Variants in RBFOX1 observed in about 807,000 individuals in gnomAD.
RBFOX1 encodes the protein RNA binding fox-1 homolog 1.
A neutral mutation model predicts 57.7 loss-of-function variants in RBFOX1; 8 were observed. The observed-to-expected ratio is 0.14, with a 90% CI of 0.08 to 0.25. The LOEUF is 0.25. Ranked by LOEUF, RBFOX1 falls within the 10% of genes least tolerant of loss-of-function variation. The pLI, the probability that RBFOX1 is intolerant of heterozygous loss-of-function variation, is 1.00. For missense variants in RBFOX1, 611 were observed against 548.5 expected (o/e 1.11, Z -1.14); for synonymous variants, 326 against 222.4 (o/e 1.47, Z -4.15).
intron 2 of RBFOX1, among the ~76,000 whole-genome samples, chr16:5,506,308 A>C (rs936174047): frequency 1.3e-5 from 2 of 152,192 alleles, no homozygotes; most frequent in Non-Finnish European, 2.9e-5. Context: ...GCCTGCAGGC[A>C]CAGAGACGTA....
At chr16:6,654,164 G>A (rs548697178) in intron 2 of RBFOX1, among the ~76,000 whole-genome samples, 1 of 147,630 alleles carries the variant, frequency 6.8e-6, no homozygotes, top group South Asian at 2.1e-4. Context: ...ATGAATGGAT[G>A]GATGGTTGGA....
intron 3 of RBFOX1, among the ~76,000 whole-genome samples, chr16:6,964,119 G>A (rs1339385878): frequency 6.6e-6 from 1 of 152,090 alleles, no homozygotes; most frequent in Non-Finnish European, 1.5e-5. Context: ...CCCGAATCAA[G>A]CGATTCTCCT....
chr16:7,097,208 G>C (rs1044534616), intron 4 of RBFOX1, among the ~76,000 whole-genome samples: 20 of 152,128 alleles, frequency 1.3e-4, no homozygotes, highest in South Asian at 8.3e-4. Flanking sequence ...CTGAGAGTTA[G>C]GAAACTGCTA....
intron 2 of RBFOX1, among the ~76,000 whole-genome samples, chr16:6,464,913 G>A (rs765664882): frequency 3.6e-4 from 55 of 152,222 alleles, no homozygotes; most frequent in Non-Finnish European, 6.9e-4. Flanking sequence ...GATCCCGGGG[G>A]CAATTCTGGA....
rs576257834 is a variant in RBFOX1 at position 6,351,241 on chromosome 16, T to C, written c.-64+34184T>C. 4.6e-5 allele frequency among the ~76,000 whole-genome samples: 7 copies of C among 150,878 alleles called. No individual in the cohort carries two copies. The East Asian group carries it at 5.8e-4, about 13-fold the overall frequency. ...ATATACAACTGTGTAATTATATATA[T>C]GCATATGCGTTTGAATTGTATTCTA... On this transcript the variant is annotated intron_variant, in intron 2 of 15. Transcript: ENST00000550418.
chr16:7,558,347 C>G (rs1244032083), intron 5 of RBFOX1, among the ~76,000 whole-genome samples: 1 of 151,982 alleles, frequency 6.6e-6, no homozygotes, highest in African/African-American at 2.4e-5. Context: ...AAGTGAGGCT[C>G]TGTCTCAAAA....
intron 3 of RBFOX1, among the ~76,000 whole-genome samples, chr16:6,973,529 T>C (rs1004613013): frequency 8.5e-5 from 13 of 152,238 alleles, no homozygotes; most frequent in African/African-American, 3.1e-4. Context: ...AGCTCAACGT[T>C]GATTTTTCAG....
At chr16:6,655,457 G>A (rs76385491) in intron 3 of RBFOX1, among the ~76,000 whole-genome samples, 2,251 of 145,044 alleles carry the variant, frequency 0.016, 66 homozygotes, top group African/African-American at 0.053. Context: ...ATGAGCAACA[G>A]CGTCCTATCT....
chr16:6,193,717 C>A (rs1245001074), intron 1 of RBFOX1, among the ~76,000 whole-genome samples: 1 of 151,972 alleles, frequency 6.6e-6, no homozygotes, highest in African/African-American at 2.4e-5. Context: ...TACCTTGATT[C>A]TCACATTGAA....
intron 2 of RBFOX1, among the ~76,000 whole-genome samples, chr16:6,384,285 G>C (rs1038062988): frequency 6.6e-6 from 1 of 152,062 alleles, no homozygotes; most frequent in African/African-American, 2.4e-5. Flanking sequence ...TTTGAAATGT[G>C]ATTTGAATCC....
At chr16:7,539,954 C>T (rs1163133775) in intron 5 of RBFOX1, among the ~76,000 whole-genome samples, 1 of 152,192 alleles carries the variant, frequency 6.6e-6, no homozygotes, top group East Asian at 1.9e-4. Flanking sequence ...CCCAACGTTG[C>T]CCTTTATTCA....
chr16:6,936,509 A>G (rs192048224), intron 3 of RBFOX1, among the ~76,000 whole-genome samples: 39 of 152,270 alleles, frequency 2.6e-4, no homozygotes, highest in Middle Eastern at 6.8e-3. Context: ...CCGACTATGT[A>G]TCCAGAAACG....
chr16:7,242,440 T>C (rs1002861215), intron 4 of RBFOX1, among the ~76,000 whole-genome samples: 2 of 152,166 alleles, frequency 1.3e-5, no homozygotes, highest in African/African-American at 4.8e-5. Flanking sequence ...ATGTTTGAAA[T>C]GGGCAACATC....
chr16:7,396,926 G>A (rs1308736486), intron 4 of RBFOX1, among the ~76,000 whole-genome samples: 1 of 152,088 alleles, frequency 6.6e-6, no homozygotes, highest in South Asian at 2.1e-4. Flanking sequence ...GGGCTATAGG[G>A]TGAGACTGTC....
intron 3 of RBFOX1, among the ~76,000 whole-genome samples, chr16:6,865,456 C>T (rs949690040): frequency 6.6e-6 from 1 of 152,138 alleles, no homozygotes; most frequent in African/African-American, 2.4e-5. Context: ...TATTTCCTTT[C>T]TAGCCCCACA....
chr16:6,824,963 T>G (rs2091908405), intron 3 of RBFOX1, among the ~76,000 whole-genome samples: 1 of 149,514 alleles, frequency 6.7e-6, no homozygotes, highest in African/African-American at 2.5e-5. Flanking sequence ...ACTGAGGATT[T>G]CTTTTTTCTT....
At position 5,524,684 on chromosome 16, in the gene RBFOX1, A is replaced by C. The variant is rs559441750; in HGVS notation, c.258+57430A>C. Among the ~76,000 whole-genome samples, 33 of 151,744 alleles carry C rather than the reference A, an allele frequency of 2.2e-4. No individual in the cohort carries two copies. In the East Asian group the frequency reaches 6.5e-3, roughly 30 times the overall value. On this transcript the variant is annotated intron_variant, in intron 2 of 2. Transcript: ENST00000585867. ...GCCTTCCAAGTAGCCGGGATTACAGACGCATGCCACCGTGACTGGCTAATT... is the reference window on the plus strand; with the variant it reads ...GCCTTCCAAGTAGCCGGGATTACAGCCGCATGCCACCGTGACTGGCTAATT...
chr16:5,496,448 C>T (rs1471762299), intron 2 of RBFOX1, among the ~76,000 whole-genome samples: 1 of 152,100 alleles, frequency 6.6e-6, no homozygotes, highest in Non-Finnish European at 1.5e-5. Context: ...CGAATGTGTC[C>T]ATCTCAGAGA....
At chr16:6,032,428 T>TGAAA (rs993165879) in intron 1 of RBFOX1, among the ~76,000 whole-genome samples, 33 of 152,154 alleles carry the variant, frequency 2.2e-4, no homozygotes, top group African/African-American at 7.0e-4. Context: ...ATTGCTTCAC[T>TGAAA]GAAAGAAAGA....
Sources: allele counts gnomAD v4.1 joint callset (sites outside exome capture counted in the v4.1 genomes callset), GRCh38; gene constraint gnomAD v4.1.1; transcripts MANE v1.5; gene names NCBI Gene and HGNC (gene_info 2026-07-23, HGNC 2026-07-21).